The following CPA6 variants were observed in gnomAD, a reference collection of about 807,000 sequenced individuals.
CPA6 encodes the protein carboxypeptidase A6.
In CPA6, 58 loss-of-function variants were observed where a neutral mutation model predicts 63.3. The ratio of observed to expected loss-of-function variants is 0.92; its 90% CI spans 0.74 to 1.14. CPA6 has a LOEUF of 1.14. CPA6 is among the 50% of genes most tolerant of loss of function. The pLI is 0.00. For synonymous variants in CPA6, 185 were observed against 179.0 expected (o/e 1.03, Z -0.27); for missense variants, 565 against 526.6 (o/e 1.07, Z -0.71).
At chr8:67,470,770 G>A (rs146386143) in intron 8 of CPA6, among the ~76,000 whole-genome samples, 27 of 152,054 alleles carry the variant, frequency 1.8e-4, no homozygotes, top group African/African-American at 6.3e-4. Context: ...CATAATAAAG[G>A]TATATTTATA....
At chr8:67,466,343 CTTTTG>C (rs755921349) in intron 8 of CPA6, among the ~76,000 whole-genome samples, 52 of 151,956 alleles carry the variant, frequency 3.4e-4, no homozygotes, top group Non-Finnish European at 7.2e-4. Context: ...TTTGGATCAT[CTTTTG>C]TTTGTTTGTT....
chr8:67,486,473 A>G (rs1034139299), intron 6 of CPA6, among the ~76,000 whole-genome samples: 2 of 152,262 alleles, frequency 1.3e-5, no homozygotes, highest in African/African-American at 2.4e-5. Flanking sequence ...GTCTGCCTAA[A>G]TACACTCTAT....
At chr8:67,655,489 A>T (rs1410267146) in intron 1 of CPA6, among the ~76,000 whole-genome samples, 1 of 152,150 alleles carries the variant, frequency 6.6e-6, no homozygotes, top group Non-Finnish European at 1.5e-5. Context: ...TTAATCCTAA[A>T]CCCCTGATAT....
chr8:67,490,456 A>G (rs532405496), intron 6 of CPA6, among the ~76,000 whole-genome samples: 13 of 152,294 alleles, frequency 8.5e-5, no homozygotes, highest in African/African-American at 3.1e-4. Context: ...AAAACAATGC[A>G]CCACACGCCT....
intron 2 of CPA6, among the ~76,000 whole-genome samples, chr8:67,562,285 A>G (rs1004492992): frequency 2.6e-5 from 4 of 151,860 alleles, no homozygotes; most frequent in Admixed American, 2.6e-4. Flanking sequence ...ACCTTTATCA[A>G]CTCTCTAGGT....
intron 8 of CPA6, among the ~76,000 whole-genome samples, chr8:67,468,797 C>T (rs1810989196): frequency 6.6e-6 from 1 of 152,078 alleles, no homozygotes; most frequent in African/African-American, 2.4e-5. Flanking sequence ...TACTGTATCT[C>T]TGGGTCCTCA....
intron 2 of CPA6, among the ~76,000 whole-genome samples, chr8:67,520,220 G>T (rs1344662066): frequency 2.0e-5 from 3 of 152,056 alleles, no homozygotes; most frequent in African/African-American, 7.2e-5. Context: ...TACCACTCTG[G>T]AGATGAGTCT....
intron 2 of CPA6, among the ~76,000 whole-genome samples, chr8:67,539,095 A>G (rs939603252): frequency 3.3e-5 from 5 of 152,082 alleles, no homozygotes; most frequent in Non-Finnish European, 7.4e-5. Context: ...CATAATGTTG[A>G]TGGTCTTTAC....
At chr8:67,590,047 A>C (rs1439205971) in intron 2 of CPA6, among the ~76,000 whole-genome samples, 83 of 129,470 alleles carry the variant, frequency 6.4e-4, no homozygotes, top group African/African-American at 9.8e-4. Flanking sequence ...CACTCCCCCC[A>C]CCCCACAACA....
chr8:67,690,835 A>T (rs1461267904), intron 1 of CPA6, among the ~76,000 whole-genome samples: 1 of 152,210 alleles, frequency 6.6e-6, no homozygotes, highest in African/African-American at 2.4e-5. Context: ...CAAGTGTGGG[A>T]TATATTTCAA....
At chr8:67,633,331 T>C (rs1815386333) in intron 1 of CPA6, among the ~76,000 whole-genome samples, 1 of 152,206 alleles carries the variant, frequency 6.6e-6, no homozygotes, top group African/African-American at 2.4e-5. Context: ...TCTTATAATT[T>C]TTATTTTTTG....
chr8:67,548,726 G>C (rs907468859), intron 2 of CPA6, among the ~76,000 whole-genome samples: 8 of 152,172 alleles, frequency 5.3e-5, no homozygotes, highest in Admixed American at 4.6e-4. Flanking sequence ...CTACCTTCAG[G>C]GAGGGGAGGT....
chr8:67,712,369 C>T (rs1354084364), intron 1 of CPA6, among the ~76,000 whole-genome samples: 2 of 152,118 alleles, frequency 1.3e-5, no homozygotes, highest in African/African-American at 4.8e-5. Context: ...TTATCAGGGA[C>T]TAAAATCAGC....
intron 2 of CPA6, among the ~76,000 whole-genome samples, chr8:67,560,567 G>A (rs1813184591): frequency 6.6e-6 from 1 of 152,124 alleles, no homozygotes; most frequent in East Asian, 1.9e-4. Flanking sequence ...AAGGGTGAGG[G>A]GCTGTAGAAT....
intron 10 of CPA6, among the ~76,000 whole-genome samples, chr8:67,424,433 TC>T (rs992130760): frequency 6.6e-6 from 1 of 152,032 alleles, no homozygotes; most frequent in Non-Finnish European, 1.5e-5. Flanking sequence ...CCTCTGACTT[TC>T]CCCCGTTGAG....
rs34275812 is a variant in CPA6, at chr8:67,690,044, TA to T, written c.116+55969del. On this transcript the variant is annotated intron_variant, in intron 1 of 10. Coordinates refer to ENST00000297770, the MANE Select transcript of CPA6 (RefSeq NM_020361.5). The stretch of plus-strand genomic sequence containing the variant: ...GATAATGAATGATAATGAATTTTTT[TA>T]TATGTTTGTTGGCTGCTTTTATGTC... Among the ~76,000 whole-genome samples, 5 of 151,752 alleles carry T rather than the reference TA, an allele frequency of 3.3e-5. No homozygotes were observed. The East Asian group carries it at 9.7e-4, about 29-fold the overall frequency.
At chr8:67,665,158 A>G (rs1031598830) in intron 1 of CPA6, among the ~76,000 whole-genome samples, 2 of 152,222 alleles carry the variant, frequency 1.3e-5, no homozygotes, top group African/African-American at 4.8e-5. Context: ...CAAGATTTCT[A>G]TTTCTTCACG....
intron 1 of CPA6, among the ~76,000 whole-genome samples, chr8:67,705,082 GC>G (rs1817105389): frequency 6.6e-6 from 1 of 152,140 alleles, no homozygotes; most frequent in African/African-American, 2.4e-5. Context: ...CCTCCAGGTT[GC>G]CCCAGAATAC....
intron 1 of CPA6, among the ~76,000 whole-genome samples, chr8:67,714,613 T>TG (rs1176823534): frequency 6.6e-6 from 1 of 152,170 alleles, no homozygotes; most frequent in Admixed American, 6.5e-5. Context: ...GGTCGGGGGC[T>TG]GCAGTCAGCC....
Sources: gnomAD v4.1 joint callset for allele counts (sites outside exome capture counted in the v4.1 genomes callset) on GRCh38, gnomAD v4.1.1 for gene constraint, MANE v1.5 for transcripts, NCBI Gene and HGNC (gene_info 2026-07-23, HGNC 2026-07-21) for gene names.